Variants in PRKCZ observed in about 807,000 individuals in gnomAD.
PRKCZ encodes protein kinase C zeta type.
PRKCZ carries 33 observed loss-of-function variants against 79.5 expected under a neutral mutation model. That is an observed-to-expected ratio of 0.41 (90% CI 0.31 to 0.55). The LOEUF is 0.55. PRKCZ is among the 20% of genes least tolerant of loss of function. The pLI, the probability that PRKCZ is intolerant of heterozygous loss-of-function variation, is 0.19. For synonymous variants in PRKCZ, 342 were observed against 320.9 expected, an observed-to-expected ratio of 1.07 and a Z score of -0.70; for missense variants, 578 against 813.5, an observed-to-expected ratio of 0.71 and a Z score of 3.52.
rs1455466935 is a variant in PRKCZ, at chr1:2,108,024, C to T, written c.335-27238C>T. 2.0e-5 allele frequency among the ~76,000 whole-genome samples: 3 copies of T among 152,226 alleles called. No individual in the cohort carries two copies. The South Asian group carries it at 6.2e-4, about 32-fold the overall frequency. On this transcript the variant is annotated intron_variant, in intron 4 of 17. Transcript: ENST00000378567. ...CCGGCAGTGTCAAGGGAGCCTGCCT[C>T]CGTGGGGTGCTGCCAGCCTTAGGCC...
chr1:2,142,040 C>T (rs1254286823), intron 5 of PRKCZ: 14 of 65,106 alleles, frequency 2.2e-4, no homozygotes, highest in South Asian at 5.4e-4. Flanking sequence ...GCAGCCGAAG[C>T]GCCTCCTTTC....
rs1404284089 is a variant in PRKCZ at position 2,174,389 on chromosome 1, G to A, written c.1406-365G>A. 2.0e-5 allele frequency among the ~76,000 whole-genome samples: 3 copies of A among 152,224 alleles called. No individual in the cohort carries two copies. The highest frequency in any genetic ancestry group is 2.9e-5 in the Non-Finnish European group (2 of 68,048). ...GGGCTCCTTCCCACCTGGAGGCCCC[G>A]GGACCTGCTCCTGGTCTGGAATTCA... On this transcript the variant is annotated intron_variant, in intron 14 of 17. Transcript: ENST00000378567. The surrounding 1 kb of genome is among the most constrained non-coding windows in gnomAD (Gnocchi z 6.2).
chr1:2,071,700 A>G (rs1229513196), intron 4 of PRKCZ, among the ~76,000 whole-genome samples: 1 of 152,224 alleles, frequency 6.6e-6, no homozygotes, highest in African/African-American at 2.4e-5. Flanking sequence ...GCTGAAGGAC[A>G]GTGGTCGTGC....
At chr1:2,171,683 G>A (rs982311076) in intron 11 of PRKCZ, 4 of 182,744 alleles carry the variant, frequency 2.2e-5, no homozygotes, top group Non-Finnish European at 4.6e-5. Flanking sequence ...TTTAATTTTC[G>A]AGGACCTGCC....
chr1:2,102,859 T>G (rs1454387632), intron 4 of PRKCZ, among the ~76,000 whole-genome samples: 1 of 151,910 alleles, frequency 6.6e-6, no homozygotes, highest in African/African-American at 2.4e-5. Context: ...TTGACTGTTT[T>G]TATATTCTGG....
intron 9 of PRKCZ, among the ~76,000 whole-genome samples, chr1:2,152,672 C>T (rs1452022694): frequency 6.6e-6 from 1 of 152,282 alleles, no homozygotes; most frequent in Non-Finnish European, 1.5e-5. Context: ...CCACTCCCTG[C>T]TTCTGCTCTG....
chr1:2,122,894 C>T (rs200327995), intron 4 of PRKCZ, among the ~76,000 whole-genome samples: 16 of 2,048 alleles, frequency 7.8e-3, no homozygotes, highest in East Asian at 0.028. Context: ...GTTAGGGTCA[C>T]GGTGGTAGTT....
chr1:2,174,181 C>T lies in PRKCZ; in HGVS notation c.1405+165C>T, dbSNP rs1002805444. The stretch of plus-strand genomic sequence containing the variant: ...CAGACCCTGTGTCACATGCCACTCC[C>T]CGGGCCGTGGGGTGGGGTTACCACA... On this transcript the variant is annotated intron_variant, in intron 14 of 17. Transcript: ENST00000378567. The surrounding 1 kb of genome is among the most constrained non-coding windows in gnomAD (Gnocchi z 6.2). Among the ~76,000 whole-genome samples, 4 of 152,330 alleles carry T rather than the reference C, an allele frequency of 2.6e-5. No homozygotes were observed. The highest frequency in any genetic ancestry group is 7.2e-5 in the African/African-American group (3 of 41,580).
intron 4 of PRKCZ, among the ~76,000 whole-genome samples, chr1:2,069,784 G>C (rs547584899): frequency 6.6e-6 from 1 of 152,192 alleles, no homozygotes; most frequent in Non-Finnish European, 1.5e-5. Context: ...GATGCTATAG[G>C]CAGCAGCCCC....
intron 4 of PRKCZ, among the ~76,000 whole-genome samples, chr1:2,129,635 G>T (rs761225845): frequency 2.6e-5 from 4 of 152,120 alleles, no homozygotes; most frequent in Non-Finnish European, 4.4e-5. Context: ...GCTGTGGGGA[G>T]CCAGGCAGGG....
In PRKCZ at chr1:2,058,275, T is replaced by C. The variant is rs539323439; in HGVS notation, c.284-1266T>C. Among the ~76,000 whole-genome samples the C allele has an allele frequency of 2.4e-4, 36 of 152,138 alleles. No individual in the cohort carries two copies. In the South Asian group the frequency reaches 6.4e-3, roughly 27 times the overall value. On this transcript the variant is annotated intron_variant, in intron 3 of 17. Coordinates refer to ENST00000378567, the MANE Select transcript of PRKCZ (RefSeq NM_002744.6). Reference sequence around the variant, plus strand: ...GCCTCAGCTTCCTGAAGTGTTGGGATTACAGGCGTGAGCCACGGTGCCCGG... The same window carrying C: ...GCCTCAGCTTCCTGAAGTGTTGGGACTACAGGCGTGAGCCACGGTGCCCGG...
At chr1:2,180,289 G>A (rs1320111682) in intron 16 of PRKCZ, among the ~76,000 whole-genome samples, 1 of 152,178 alleles carries the variant, frequency 6.6e-6, no homozygotes, top group Non-Finnish European at 1.5e-5. Flanking sequence ...ACCTGTTTAT[G>A]AAAATGCATG....
At chr1:2,110,687 G>A (rs574684285) in intron 4 of PRKCZ, among the ~76,000 whole-genome samples, 2 of 151,456 alleles carry the variant, frequency 1.3e-5, no homozygotes, top group Admixed American at 6.6e-5. Context: ...ATCGGCCTTG[G>A]TGACTGTGGG....
chr1:2,133,581 A>AT (rs1675485029), intron 4 of PRKCZ: 1 of 82,706 alleles, frequency 1.2e-5, no homozygotes, highest in African/African-American at 4.8e-5. Context: ...CTGTGCGTCC[A>AT]TTTTTGACTC....
At chr1:2,170,285 A>T (rs1205788747) in intron 11 of PRKCZ, among the ~76,000 whole-genome samples, 2 of 152,136 alleles carry the variant, frequency 1.3e-5, no homozygotes, top group Non-Finnish European at 2.9e-5. Context: ...CTCCCCCGGC[A>T]GCCGCGGGAC....
chr1:2,138,874 C>T (rs971880837), intron 5 of PRKCZ, among the ~76,000 whole-genome samples: 4 of 152,106 alleles, frequency 2.6e-5, no homozygotes, highest in African/African-American at 9.7e-5. Flanking sequence ...GCGGGGGTTG[C>T]GGTGAGCTGA....
chr1:2,050,689 C>T lies in PRKCZ; in HGVS notation c.59C>T (p.Ala20Val). Residue 20 changes from alanine to valine, a missense_variant, in exon 1 of 18, where the codon GCG (alanine) becomes GTG (valine). Transcript: ENST00000378567. ...EGSGGRVRLK[A>V]HYGGDIFITS... ...AGCGGCGGCCGCGTCCGCCTCAAGG[C>T]GCATTACGGGGGGTGAGCGGCGGAG... The T allele has an allele frequency of 8.2e-7, 1 of 1,226,130 alleles. No individual in the cohort carries two copies. The highest frequency in any genetic ancestry group is 1.0e-6 in the Non-Finnish European group (1 of 983,856). The allele number at this position is 1,226,130 out of a possible 1,614,324, so 76.0% of individuals were successfully genotyped here.
chr1:2,061,151 T>C (rs1660637534), intron 4 of PRKCZ, among the ~76,000 whole-genome samples: 1 of 152,196 alleles, frequency 6.6e-6, no homozygotes, highest in Admixed American at 6.5e-5. Context: ...AGGACTGTGC[T>C]CCTCTGTCCC....
chr1:2,168,490 C>G lies in PRKCZ; in HGVS notation c.975-1028C>G, dbSNP rs912359611. On this transcript the variant is annotated intron_variant, in intron 10 of 17. Transcript: ENST00000378567. The surrounding 1 kb of genome is among the most constrained non-coding windows in gnomAD (Gnocchi z 4.7). ...CCAGCTCCTCACTTGGGGCCCAGGG[C>G]TCTTTCGATTTTTAGGAGTTTGTTT... Among the ~76,000 whole-genome samples, 1 of 152,210 alleles carries G rather than the reference C, an allele frequency of 6.6e-6. No individual in the cohort carries two copies. The highest frequency in any genetic ancestry group is 1.5e-5 in the Non-Finnish European group (1 of 68,040).
Sources: allele counts gnomAD v4.1 joint callset (sites outside exome capture counted in the v4.1 genomes callset), GRCh38; gene constraint gnomAD v4.1.1; non-coding constraint Gnocchi (gnomAD v3.1); transcripts MANE v1.5; gene names NCBI Gene and HGNC (gene_info 2026-07-23, HGNC 2026-07-21).